The following RBM12 variants were observed in gnomAD, a reference collection of about 807,000 sequenced individuals.
RBM12 encodes RNA binding motif protein 12.
RBM12 carries 24 observed loss-of-function variants against 37.2 expected under a neutral mutation model. That is an observed-to-expected ratio of 0.65 (90% CI 0.47 to 0.91). The LOEUF (loss-of-function observed/expected upper bound fraction) is 0.91, where lower values mean the gene tolerates loss of function less well. Ranked by LOEUF, RBM12 falls within the 40% of genes least tolerant of loss-of-function variation. RBM12 has a pLI of 0.00. For synonymous variants in RBM12, 420 were observed against 425.2 expected, an observed-to-expected ratio of 0.99 and a Z score of 0.15; for missense variants, 1,061 against 1,183.2, an observed-to-expected ratio of 0.90 and a Z score of 1.52.
intron 2 of RBM12, 96 bp downstream of exon 2, chr20:35,658,833 AC>A (rs2034063844): frequency 1.2e-5 from 8 of 645,100 alleles, no homozygotes; most frequent in African/African-American, 3.7e-5. Flanking sequence ...ACACACACAC[AC>A]ACACAATATA....
rs780521901 is a variant in RBM12, at chr20:35,655,146, G to A, written c.177C>T (p.Arg59=). Residue 59 remains arginine, a synonymous_variant, in exon 3 of 3, where the codon CGC becomes CGT. Coordinates refer to ENST00000374114, the MANE Select transcript of RBM12 (RefSeq NM_006047.6). ...TTGACCCTTTAATTGTACCACCTGT[G>A]CGCATCATACCAAGCCTTGCATCTT... The part of the protein sequence containing the change: ...TDEDARLGMM[R]TGGTIKGSKV... The A allele has an allele frequency of 2.5e-6, 4 of 1,614,136 alleles. No homozygotes were observed. Among genetic ancestry groups the A allele is most frequent in the Non-Finnish European group, 3.4e-6 (4 of 1,180,046 alleles).
At position 35,653,136 on chromosome 20, in the gene RBM12, TCCA is replaced by T. The variant is rs775279112; in HGVS notation, c.2184_2186del (p.Gly729del). 1 of 1,613,644 alleles carries T rather than the reference TCCA, an allele frequency of 6.2e-7. No individual in the cohort carries two copies. Among genetic ancestry groups the T allele is most frequent in the East Asian group, 2.2e-5 (1 of 44,878 alleles). On this transcript the variant is annotated inframe_deletion, in exon 3 of 3. Coordinates refer to ENST00000374114, the MANE Select transcript of RBM12 (RefSeq NM_006047.6). ...GGATTGGTGGCCCAAAGGCATTTGA[TCCA>T]CCAAAATTACCAGGAAAGTTAAATG... is the stretch of plus-strand genomic sequence containing the variant.
rs1222919480 is a variant in RBM12, at chr20:35,652,966, C to A, written c.2357G>T (p.Gly786Val). The A allele has an allele frequency of 6.2e-7, 1 of 1,613,750 alleles. No homozygotes were observed. Among genetic ancestry groups the A allele is most frequent in the Non-Finnish European group, 8.5e-7 (1 of 1,180,054 alleles). ...PNNLSGPSGF[G>V]GGPQNFGNGP... ...ATTTCCAAAATTCTGAGGGCCCCCT[C>A]CAAATCCCGATGGCCCACTTAAATT... Residue 786 changes from glycine to valine, a missense_variant, in exon 3 of 3, where the codon GGA becomes GTA. Physicochemically the swap from Gly to Val is moderately radical, Grantham distance 109 (BLOSUM62 -3). This residue lies in a region of RBM12 where 517 missense variants were observed against 534.0 expected (regional missense o/e 0.97). Coordinates refer to ENST00000374114, the MANE Select transcript of RBM12 (RefSeq NM_006047.6).
At chr20:35,657,442 C>T (rs1354695914) in intron 2 of RBM12, among the ~76,000 whole-genome samples, 1 of 152,122 alleles carries the variant, frequency 6.6e-6, no homozygotes, top group East Asian at 1.9e-4. Context: ...ACATCATGGG[C>T]AATCCAGGTA....
At chr20:35,655,483 A>G (rs921735405) in intron 2 of RBM12, 139 bp from the exon 3 acceptor site, 16 of 746,774 alleles carry the variant, frequency 2.1e-5, no homozygotes, top group Non-Finnish European at 3.3e-5. Flanking sequence ...TAATTTAGAT[A>G]TTCTAAAAAC....
In RBM12 at chr20:35,649,485, A is replaced by G. The variant is rs2033350137; in HGVS notation, c.*3039T>C. ...AATATTACTACCTGAAATTTTAAAT[A>G]AAGTTTCCTAATCGAATTTTCATTG... is the stretch of plus-strand genomic sequence containing the variant. On this transcript the variant is annotated 3_prime_UTR_variant, in exon 3 of 3. Coordinates refer to ENST00000374114, the MANE Select transcript of RBM12 (RefSeq NM_006047.6). 1.3e-5 allele frequency: 2 copies of G among 152,756 alleles called. No individual in the cohort carries two copies. Among genetic ancestry groups the G allele is most frequent in the Non-Finnish European group, 2.9e-5 (2 of 68,014 alleles). The allele number at this position is 152,756 out of a possible 1,614,324, so 9.5% of individuals were successfully genotyped here.
At position 35,654,220 on chromosome 20, in the gene RBM12, A is replaced by T. The variant is rs2033744145; in HGVS notation, c.1103T>A (p.Ile368Asn). 1.2e-6 allele frequency: 2 copies of T among 1,614,144 alleles called. No homozygotes were observed. The highest frequency in any genetic ancestry group is 2.7e-5 in the African/African-American group (2 of 74,938). The change falls in exon 3 of 3, where the codon ATT (isoleucine) becomes AAT (asparagine). Residue 368 changes from isoleucine to asparagine, a missense_variant. This residue lies in a region of RBM12 where 540 missense variants were observed against 632.7 expected (regional missense o/e 0.85). Transcript: ENST00000374114. ...EALKRNRMLM[I>N]QRYVEVSPAT... Reference sequence around the variant, plus strand: ...AGGGCTAACTTCCACATAGCGTTGAATCATCAGCATTCTGTTTCGTTTCAA... The same window carrying T: ...AGGGCTAACTTCCACATAGCGTTGATTCATCAGCATTCTGTTTCGTTTCAA...
chr20:35,653,414 T>G lies in RBM12; in HGVS notation c.1909A>C (p.Lys637Gln). The G allele has an allele frequency of 6.2e-7, 1 of 1,614,068 alleles. No homozygotes were observed. The highest frequency in any genetic ancestry group is 8.5e-7 in the Non-Finnish European group (1 of 1,179,988). The change falls in exon 3 of 3, where the codon AAG becomes CAG. Residue 637 changes from lysine to glutamine, a missense_variant. Physicochemically the swap from Lys to Gln is moderately conservative, Grantham distance 53 (BLOSUM62 1). Coordinates refer to ENST00000374114, the MANE Select transcript of RBM12 (RefSeq NM_006047.6). ...CCTGGCACAGGCATCTTTAATCCCT[T>G]TTTTCCTTGGGCAGGGGGATTTTTC... ...IEKNPPAQGKKGLKMPVPGNP... is the reference protein window; with the variant it reads ...IEKNPPAQGKQGLKMPVPGNP...
Position 35,650,436 on chromosome 20 carries a change from T to C in RBM12, c.*2088A>G, listed in dbSNP as rs1568930092. 1 of 152,528 alleles carries C rather than the reference T, an allele frequency of 6.6e-6. No homozygotes were observed. The highest frequency in any genetic ancestry group is 2.4e-5 in the African/African-American group (1 of 41,422). The allele number at this position is 152,528 out of a possible 1,614,324, so 9.4% of individuals were successfully genotyped here. ...ACAACCCATTTTTCTAAAATGAAAA[T>C]AGCTTTCCAATGGAGAAAATATCTG... On this transcript the variant is annotated 3_prime_UTR_variant, in exon 3 of 3. Transcript: ENST00000374114.
In RBM12 at chr20:35,652,899, G is replaced by T. The variant is rs1174440090; in HGVS notation, c.2424C>A (p.Gly808=). The T allele has an allele frequency of 6.2e-7, 1 of 1,613,646 alleles. No individual in the cohort carries two copies. The highest frequency in any genetic ancestry group is 1.7e-5 in the Admixed American group (1 of 60,024). Residue 808 remains glycine (G), a synonymous_variant, in exon 3 of 3, where the codon GGC becomes GGA. Coordinates refer to ENST00000374114, the MANE Select transcript of RBM12 (RefSeq NM_006047.6). ...CAGGGGCACTTCCAAGACCAGGAGG[G>T]CCACTTCCAAACCCCGGGGGACCGC... ...SLGGPPGFGS[G]PPGLGSAPGH... is the part of the protein sequence containing the mutation.
intron 2 of RBM12, among the ~76,000 whole-genome samples, chr20:35,656,611 G>A (rs142393403): frequency 0.032 from 4,846 of 152,174 alleles, 264 homozygotes; most frequent in African/African-American, 0.11. Flanking sequence ...CTCGGTTCAC[G>A]GCAACCTCCA....
At chr20:35,655,782 A>C (rs1341917958) in intron 2 of RBM12, among the ~76,000 whole-genome samples, 1 of 152,224 alleles carries the variant, frequency 6.6e-6, no homozygotes, top group East Asian at 1.9e-4. Context: ...TATATACTTG[A>C]TAATTTCATA....
In RBM12 at chr20:35,653,678, T is replaced by C. The variant is rs530458988; in HGVS notation, c.1645A>G (p.Thr549Ala). ...VNSAKVCAHI[T>A]NIPFSITKMD... ...TTTGTAATGCTGAATGGAATATTTG[T>C]TATGTGGGCACAGACTTTGGCAGAG... Residue 549 changes from threonine to alanine, a missense_variant, in exon 3 of 3, where the codon ACA becomes GCA. This residue lies in a region of RBM12 where 517 missense variants were observed against 534.0 expected (regional missense o/e 0.97). Transcript: ENST00000374114. 17 of 1,614,194 alleles carry C rather than the reference T, an allele frequency of 1.1e-5. No individual in the cohort carries two copies. In the East Asian group the frequency reaches 3.6e-4, roughly 34 times the overall value.
At chr20:35,663,792 G>T (rs1002165285) in intron 1 of RBM12, among the ~76,000 whole-genome samples, 3 of 152,138 alleles carry the variant, frequency 2.0e-5, no homozygotes, top group Non-Finnish European at 2.9e-5. Flanking sequence ...CTGCACTGGC[G>T]TCCAACCCCG....
Position 35,652,906 on chromosome 20 carries a change from C to T in RBM12, c.2417G>A (p.Gly806Glu). The T allele has an allele frequency of 3.1e-6, 5 of 1,613,722 alleles. No homozygotes were observed. Among genetic ancestry groups the T allele is most frequent in the Non-Finnish European group, 3.4e-6 (4 of 1,180,018 alleles). ...PGSLGGPPGF[G>E]SGPPGLGSAP... ...ACTTCCAAGACCAGGAGGGCCACTT[C>T]CAAACCCCGGGGGACCGCCTAAGCT... Residue 806 changes from glycine (G) to glutamate (E), a missense_variant, in exon 3 of 3, where the codon GGA (glycine) becomes GAA (glutamate). Physicochemically the swap from Gly to Glu is moderately conservative, Grantham distance 98. Transcript: ENST00000374114.
Position 35,653,279 on chromosome 20 carries a change from T to C in RBM12, c.2044A>G (p.Ile682Val), listed in dbSNP as rs190515899. The change falls in exon 3 of 3, where the codon ATA becomes GTA. Residue 682 changes from isoleucine (I) to valine (V), a missense_variant. Physicochemically the swap from Ile to Val is conservative, Grantham distance 29. Coordinates refer to ENST00000374114, the MANE Select transcript of RBM12 (RefSeq NM_006047.6). ...LPSTGLPGSA[I>V]TSAGLPGAGM... Reference sequence around the variant, plus strand: ...GCACCAGGCAGTCCTGCACTGGTTATTGCTGAACCAGGCAGTCCTGTGCTG... The same window carrying C: ...GCACCAGGCAGTCCTGCACTGGTTACTGCTGAACCAGGCAGTCCTGTGCTG... The C allele has an allele frequency of 1.6e-5, 26 of 1,613,662 alleles. No individual in the cohort carries two copies. The East Asian group carries it at 4.0e-4, about 25-fold the overall frequency.
rs1262363673 is a variant in RBM12 at position 35,653,273 on chromosome 20, T to C, written c.2050A>G (p.Ser684Gly). The C allele has an allele frequency of 1.9e-6, 3 of 1,613,512 alleles. No individual in the cohort carries two copies. The highest frequency in any genetic ancestry group is 2.2e-5 in the East Asian group (1 of 44,894). Residue 684 changes from serine (S) to glycine (G), a missense_variant, in exon 3 of 3, where the codon AGT becomes GGT. Ser to Gly is a moderately conservative substitution (Grantham distance 56). Coordinates refer to ENST00000374114, the MANE Select transcript of RBM12 (RefSeq NM_006047.6). ...STGLPGSAIT[S>G]AGLPGAGMPS... ...ATTCCCGCACCAGGCAGTCCTGCACTGGTTATTGCTGAACCAGGCAGTCCT... is the reference window on the plus strand; with the variant it reads ...ATTCCCGCACCAGGCAGTCCTGCACCGGTTATTGCTGAACCAGGCAGTCCT...
At position 35,653,527 on chromosome 20, in the gene RBM12, C is replaced by G. The variant is rs778426459; in HGVS notation, c.1796G>C (p.Arg599Pro). 1.2e-6 allele frequency: 2 copies of G among 1,614,098 alleles called. No homozygotes were observed. The highest frequency in any genetic ancestry group is 1.7e-6 in the Non-Finnish European group (2 of 1,180,054). ...TTTACGGTGTAAGCGTTCAGACTTA[C>G]GTGCATCATCTTCATTTTTAAACTG... Reference protein sequence around the residue: ...LVQFKNEDDARKSERLHRKKL... With the variant: ...LVQFKNEDDAPKSERLHRKKL... The change falls in exon 3 of 3, where the codon CGT becomes CCT. Residue 599 changes from arginine to proline, a missense_variant. By Grantham distance (103) the Arg-to-Pro change is moderately radical (BLOSUM62 -2). This residue lies in a region of RBM12 where 517 missense variants were observed against 534.0 expected (regional missense o/e 0.97). Coordinates refer to ENST00000374114, the MANE Select transcript of RBM12 (RefSeq NM_006047.6).
In RBM12 at chr20:35,651,624, T is replaced by C. The variant is rs554741678; in HGVS notation, c.*900A>G. The C allele has an allele frequency of 9.9e-5, 15 of 151,104 alleles. No homozygotes were observed. Among genetic ancestry groups the C allele is most frequent in the African/African-American group, 3.7e-4 (15 of 40,886 alleles). The allele number at this position is 151,104 out of a possible 1,614,324, so 9.4% of individuals were successfully genotyped here. On this transcript the variant is annotated 3_prime_UTR_variant, in exon 3 of 3. Transcript: ENST00000374114. ...GGACAGGAGGAAATTGATACTACAA[T>C]TAGTCCATATGAAAAGGACTTCAAA... is the stretch of plus-strand genomic sequence containing the variant.
Sources: gnomAD v4.1 joint callset for allele counts (sites outside exome capture counted in the v4.1 genomes callset) on GRCh38, gnomAD v4.1.1 for gene constraint, gnomAD v4.1.1 regional missense constraint, MANE v1.5 for transcripts, NCBI Gene and HGNC (gene_info 2026-07-23, HGNC 2026-07-21) for gene names.